Variants in TTC6 observed in about 807,000 individuals in gnomAD.
TTC6 encodes the protein tetratricopeptide repeat protein 6.
In TTC6, 172 loss-of-function variants were observed where a neutral mutation model predicts 210.4. The observed-to-expected ratio is 0.82, with a 90% CI of 0.72 to 0.93. TTC6 has a LOEUF of 0.93. Among genes scored for constraint, TTC6 ranks in the 40% least tolerant of loss-of-function variants. The probability of loss-of-function intolerance (pLI) is 0.00; values close to 1 mark genes in which losing one functional copy is unlikely to be tolerated. For synonymous variants in TTC6, 804 were observed against 819.6 expected (o/e 0.98, Z 0.32); for missense variants, 2,414 against 2,318.1 (o/e 1.04, Z -0.85).
At chr14:37,772,930 A>T (rs1161211716) in intron 14 of TTC6, among the ~76,000 whole-genome samples, 1 of 152,198 alleles carries the variant, frequency 6.6e-6, no homozygotes, top group Non-Finnish European at 1.5e-5. Flanking sequence ...ATGTCATTTT[A>T]ATAATAGCCA....
exon 21 of TTC6, chr14:37,804,758 G>A (rs1350581332): frequency 6.2e-7 from 1 of 1,614,022 alleles, no homozygotes; most frequent in East Asian, 2.2e-5. Context: ...AGCAATTTCA[G>A]CAGACTGTCT....
exon 10 of TTC6, chr14:37,738,950 A>G: frequency 1.3e-6 from 2 of 1,535,466 alleles, no homozygotes; most frequent in Non-Finnish European, 1.7e-6. Context: ...TGTGAAAGAA[A>G]GTATAGATGA....
intron 14 of TTC6, among the ~76,000 whole-genome samples, chr14:37,782,823 C>A (rs752102590): frequency 2.1e-4 from 32 of 151,972 alleles, no homozygotes; most frequent in African/African-American, 7.5e-4. Context: ...ATTTATTTAG[C>A]GTTTTTAGCA....
intron 1 of TTC6, among the ~76,000 whole-genome samples, chr14:37,674,862 ATTACATGTCTTTTTTTTATTTCTCTGGCT>A (rs1237777620): frequency 6.6e-6 from 1 of 152,136 alleles, no homozygotes; most frequent in Non-Finnish European, 1.5e-5. Context: ...ATTTTTTTAC[ATTACATGTCTTTTTTTTATTTCTCTGGCT>A]TTACTAGACT....
Position 37,794,069 on chromosome 14 carries a change from G to A in TTC6, c.3709-1201G>A, listed in dbSNP as rs575193625. On this transcript the variant is annotated intron_variant, in intron 17 of 30. Transcript: ENST00000553443. Reference sequence around the variant, plus strand: ...CTACCTGGTAGTGGTCTAATGTCAGGGAAGCTTGTGAGATCTGCGAATGAG... The same window carrying A: ...CTACCTGGTAGTGGTCTAATGTCAGAGAAGCTTGTGAGATCTGCGAATGAG... 4.7e-4 allele frequency among the ~76,000 whole-genome samples: 72 copies of A among 152,248 alleles called. 1 individual carries two copies. The South Asian group carries it at 5.4e-3, about 11-fold the overall frequency.
chr14:37,657,987 T>C (rs1329894920), intron 1 of TTC6, among the ~76,000 whole-genome samples: 3 of 152,190 alleles, frequency 2.0e-5, no homozygotes, highest in African/African-American at 7.2e-5. Flanking sequence ...GTCATTTACA[T>C]CAAGGATGGC....
chr14:37,834,446 A>G (rs914566738), intron 29 of TTC6, among the ~76,000 whole-genome samples: 2 of 151,954 alleles, frequency 1.3e-5, no homozygotes, highest in African/African-American at 4.8e-5. Flanking sequence ...TATTTCTCCT[A>G]TTTTACTTAG....
chr14:37,698,627 C>A (rs1044087318), intron 4 of TTC6, among the ~76,000 whole-genome samples: 1 of 152,118 alleles, frequency 6.6e-6, no homozygotes, highest in African/African-American at 2.4e-5. Flanking sequence ...AGACTTACCT[C>A]TCTTTTCCTC....
exon 13 of TTC6, chr14:37,751,081 C>T: frequency 6.6e-7 from 1 of 1,521,342 alleles, no homozygotes; most frequent in Non-Finnish European, 8.8e-7. Flanking sequence ...CAGAAATTTA[C>T]AGGGGAAAAA....
At chr14:37,775,816 T>C (rs765089592) in intron 14 of TTC6, among the ~76,000 whole-genome samples, 10 of 152,158 alleles carry the variant, frequency 6.6e-5, no homozygotes, top group Non-Finnish European at 1.5e-4. Flanking sequence ...TGGGTGCATA[T>C]ATTTTTAGGA....
rs1184874479 is a variant in TTC6 at position 37,724,882 on chromosome 14, T to C, written c.1714-16T>C. On this transcript the variant is annotated splice_polypyrimidine_tract_variant and intron_variant, in intron 6 of 30. Coordinates refer to ENST00000553443, the Ensembl canonical transcript of TTC6. Reference sequence around the variant, plus strand: ...TTTCTTACCATTTCTAATAACCTTTTATGTTATTTTCAAAGATGTATGCTT... The same window carrying C: ...TTTCTTACCATTTCTAATAACCTTTCATGTTATTTTCAAAGATGTATGCTT... 3 of 1,418,964 alleles carry C rather than the reference T, an allele frequency of 2.1e-6. No homozygotes were observed. The highest frequency in any genetic ancestry group is 2.6e-5 in the South Asian group (2 of 75,494). 87.9% of individuals were successfully genotyped at this position (1,418,964 alleles called of 1,614,324 possible).
At chr14:37,781,198 T>C (rs4901260) in intron 14 of TTC6, among the ~76,000 whole-genome samples, 143,215 of 152,212 alleles carry the variant, frequency 0.94, 67,698 homozygotes, top group Non-Finnish European at 1. Context: ...CTTGAGGAAT[T>C]GCCACACTGT....
chr14:37,810,943 C>A (rs1027165495), intron 24 of TTC6, among the ~76,000 whole-genome samples: 2 of 152,074 alleles, frequency 1.3e-5, no homozygotes, highest in African/African-American at 4.8e-5. Flanking sequence ...ATCCTTACAA[C>A]AATATGATGA....
At chr14:37,795,281 G>A in exon 18 of TTC6, 1 of 1,530,112 alleles carries the variant, frequency 6.5e-7, no homozygotes, top group Non-Finnish European at 8.7e-7. Context: ...TGCATAAATT[G>A]AAAAAGGCAG....
At chr14:37,785,947 G>C (rs1198820089) in intron 14 of TTC6, among the ~76,000 whole-genome samples, 1 of 152,140 alleles carries the variant, frequency 6.6e-6, no homozygotes, top group Non-Finnish European at 1.5e-5. Flanking sequence ...CACACATGTT[G>C]CAGAATGGCA....
intron 1 of TTC6, among the ~76,000 whole-genome samples, chr14:37,677,095 AAAAG>A (rs1359980750): frequency 1.3e-5 from 2 of 152,042 alleles, no homozygotes; most frequent in Non-Finnish European, 2.9e-5. Context: ...ATTTCTGAAA[AAAAG>A]GCCCTTGTTT....
chr14:37,622,349 A>C (rs1259258222), exon 1 of TTC6: 1 of 1,531,546 alleles, frequency 6.5e-7, no homozygotes, highest in East Asian at 2.5e-5. Flanking sequence ...AGGTGCTCGG[A>C]GGCGCGCCGC....
chr14:37,622,234 C>G (rs947448001), exon 1 of TTC6: 1 of 1,535,268 alleles, frequency 6.5e-7, no homozygotes, highest in Admixed American at 2.0e-5. Context: ...CTCCATGCCC[C>G]CGGCCCGGCC....
chr14:37,785,992 G>C (rs1192028183), intron 14 of TTC6, among the ~76,000 whole-genome samples: 1 of 152,156 alleles, frequency 6.6e-6, no homozygotes, highest in East Asian at 1.9e-4. Context: ...TGGAAGCTTT[G>C]TCTCAGAGGG....
Sources: gnomAD v4.1 joint callset for allele counts (sites outside exome capture counted in the v4.1 genomes callset) on GRCh38, gnomAD v4.1.1 for gene constraint, MANE v1.5 for transcripts, NCBI Gene and HGNC (gene_info 2026-07-23, HGNC 2026-07-21) for gene names.